KIF16B: variants seen among roughly 807,000 people sequenced by gnomAD.
The protein encoded by KIF16B is kinesin-like protein KIF16B.
In KIF16B, 98 loss-of-function variants were observed where a neutral mutation model predicts 156.3. That is an observed-to-expected ratio of 0.63 (90% CI 0.53 to 0.74). KIF16B has a LOEUF of 0.74. Among genes scored for constraint, KIF16B ranks in the 30% least tolerant of loss-of-function variants. KIF16B has a pLI of 0.00. For missense variants in KIF16B, 1,421 were observed against 1,606.5 expected, an observed-to-expected ratio of 0.88 and a Z score of 1.97; for synonymous variants, 564 against 583.7, an observed-to-expected ratio of 0.97 and a Z score of 0.49.
intron 22 of KIF16B, among the ~76,000 whole-genome samples, chr20:16,361,506 T>C (rs1227763022): frequency 6.6e-6 from 1 of 152,192 alleles, no homozygotes; most frequent in Non-Finnish European, 1.5e-5. Context: ...GGCAAATACA[T>C]CTGATTTGGA....
At chr20:16,470,391 G>C (rs537432242) in intron 12 of KIF16B, among the ~76,000 whole-genome samples, 1 of 152,176 alleles carries the variant, frequency 6.6e-6, no homozygotes, top group Non-Finnish European at 1.5e-5. Flanking sequence ...ATGTGTCACT[G>C]TGGTGAGGGA....
At chr20:16,425,430 T>G (rs1205284006) in intron 15 of KIF16B, among the ~76,000 whole-genome samples, 3 of 152,108 alleles carry the variant, frequency 2.0e-5, no homozygotes, top group Non-Finnish European at 4.4e-5. Context: ...AGTGTAGAAA[T>G]AATGATGCAT....
intron 4 of KIF16B, among the ~76,000 whole-genome samples, chr20:16,514,631 C>T (rs1461962707): frequency 6.7e-6 from 1 of 149,336 alleles, no homozygotes; most frequent in Non-Finnish European, 1.5e-5. Flanking sequence ...TGGCTCACGC[C>T]TGTAATCCCA....
intron 12 of KIF16B, among the ~76,000 whole-genome samples, chr20:16,457,171 CATAG>C (rs1308189444): frequency 6.6e-6 from 1 of 152,070 alleles, no homozygotes; most frequent in African/African-American, 2.4e-5. Context: ...GACCTTTGGT[CATAG>C]TTTACTTTAG....
intron 24 of KIF16B, among the ~76,000 whole-genome samples, chr20:16,320,115 A>T (rs939892337): frequency 6.6e-6 from 1 of 152,144 alleles, no homozygotes; most frequent in Non-Finnish European, 1.5e-5. Context: ...CCTATTTTAA[A>T]AGACTCCAGG....
At chr20:16,456,444 C>A (rs1396472555) in intron 12 of KIF16B, among the ~76,000 whole-genome samples, 1 of 151,012 alleles carries the variant, frequency 6.6e-6, no homozygotes, top group Non-Finnish European at 1.5e-5. Context: ...AATTAAGATA[C>A]ACACACACAC....
intron 25 of KIF16B, among the ~76,000 whole-genome samples, chr20:16,296,729 T>C (rs2063392702): frequency 6.6e-6 from 1 of 152,216 alleles, no homozygotes; most frequent in African/African-American, 2.4e-5. Context: ...CAGCCGTATC[T>C]GGGGTGAATA....
intron 12 of KIF16B, among the ~76,000 whole-genome samples, chr20:16,473,018 A>G (rs1376302184): frequency 6.6e-6 from 1 of 152,194 alleles, no homozygotes; most frequent in Admixed American, 6.5e-5. Context: ...AGGTTTTTTT[A>G]GCAGAAAAAT....
chr20:16,277,226 C>T (rs6111008), intron 25 of KIF16B, among the ~76,000 whole-genome samples: 17,281 of 152,162 alleles, frequency 0.11, 1,072 homozygotes, highest in African/African-American at 0.14. Flanking sequence ...CTGTGCAGTA[C>T]TTCACATCTG....
rs111546061 is a variant in KIF16B at position 16,523,906 on chromosome 20, C to T, written c.231+2186G>A. 8.0e-3 allele frequency among the ~76,000 whole-genome samples: 1,218 copies of T among 152,210 alleles called. 5 individuals are homozygous for T. The highest frequency in any genetic ancestry group is 0.013 in the Non-Finnish European group (877 of 68,010). ...ACCCATCTGATCTTTGACAACCTGA[C>T]AAAAACAAGCAATGGGGAAAGGATT... On this transcript the variant is annotated intron_variant, in intron 3 of 25. Coordinates refer to ENST00000354981, the MANE Select transcript of KIF16B (RefSeq NM_024704.5).
chr20:16,480,703 G>A (rs185606281), intron 12 of KIF16B, among the ~76,000 whole-genome samples: 2 of 152,274 alleles, frequency 1.3e-5, no homozygotes, highest in Admixed American at 1.3e-4. Context: ...TCTTAATCTG[G>A]GTGTGGGTTA....
chr20:16,512,877 C>T lies in KIF16B; in HGVS notation c.395G>A (p.Arg132Gln), dbSNP rs779575204. 1.1e-5 allele frequency: 18 copies of T among 1,613,850 alleles called. No homozygotes were observed. The highest frequency in any genetic ancestry group is 8.3e-5 in the Admixed American group (5 of 60,000). ...ATCCCATCTGGTGGTTTCATTTATC[C>T]GACTGAAGAGTCCTTCACAGATCCG... ...IPRICEGLFS[R>Q]INETTRWDEA... Residue 132 changes from arginine (R) to glutamine (Q), a missense_variant, in exon 5 of 26, where the codon CGG becomes CAG. Arg to Gln is a conservative substitution (Grantham distance 43, BLOSUM62 1). Transcript: ENST00000354981.
chr20:16,273,450 G>C (rs775701000), intron 25 of KIF16B, 39 bp from the exon 26 acceptor site: 1 of 1,599,694 alleles, frequency 6.3e-7, no homozygotes, highest in Admixed American at 1.7e-5. Context: ...GGTCAATTGG[G>C]AGGTCAAGGC....
intron 1 of KIF16B, among the ~76,000 whole-genome samples, chr20:16,534,394 G>A (rs1481643968): frequency 1.3e-5 from 2 of 152,088 alleles, no homozygotes; most frequent in Non-Finnish European, 2.9e-5. Flanking sequence ...TTTTACTGTT[G>A]AGTTCCTTGT....
intron 25 of KIF16B, among the ~76,000 whole-genome samples, chr20:16,307,566 T>C (rs930760673): frequency 3.3e-5 from 5 of 152,238 alleles, no homozygotes; most frequent in Non-Finnish European, 5.9e-5. Context: ...TGAGGTTTCA[T>C]GAATGTTCCA....
At chr20:16,411,248 A>G (rs2065946619) in intron 15 of KIF16B, among the ~76,000 whole-genome samples, 1 of 151,410 alleles carries the variant, frequency 6.6e-6, no homozygotes. Flanking sequence ...CACTGATGGG[A>G]TCCACTCTTT....
intron 23 of KIF16B, among the ~76,000 whole-genome samples, chr20:16,354,148 G>T (rs1465076758): frequency 6.6e-6 from 1 of 152,054 alleles, no homozygotes; most frequent in Middle Eastern, 3.2e-3. Context: ...CACACCACCT[G>T]ATTATTATTT....
intron 12 of KIF16B, among the ~76,000 whole-genome samples, chr20:16,441,823 GCTACTTGT>G (rs1051983264): frequency 9.2e-5 from 14 of 152,076 alleles, no homozygotes; most frequent in African/African-American, 2.9e-4. Context: ...ACGACCATCT[GCTACTTGT>G]CAGGTGCTAG....
intron 25 of KIF16B, among the ~76,000 whole-genome samples, chr20:16,280,867 T>TGTGTGTGTGTGTGTGTGTGCGC (rs758721339): frequency 2.7e-4 from 41 of 150,894 alleles, no homozygotes; most frequent in African/African-American, 9.8e-4. Flanking sequence ...TGTGTGTGTG[T>TGTGTGTGTGTGTGTGTGTGCGC]GCGCAGAAAA....
Sources: allele counts gnomAD v4.1 joint callset (sites outside exome capture counted in the v4.1 genomes callset), GRCh38; gene constraint gnomAD v4.1.1; transcripts MANE v1.5; gene names NCBI Gene and HGNC (gene_info 2026-07-23, HGNC 2026-07-21).